SINHCAF: variants seen among roughly 807,000 people sequenced by gnomAD.
SINHCAF encodes the protein SIN3-HDAC complex associated factor, also known as SIN3-HDAC complex-associated factor.
A neutral mutation model predicts 25.8 loss-of-function variants in SINHCAF; 3 were observed. The observed-to-expected ratio is 0.12, with a 90% CI of 0.05 to 0.30. The LOEUF (loss-of-function observed/expected upper bound fraction) is 0.30. Among genes scored for constraint, SINHCAF ranks in the 10% least tolerant of loss-of-function variants. The pLI, the probability that SINHCAF is intolerant of heterozygous loss-of-function variation, is 1.00. For missense variants in SINHCAF, 121 were observed against 262.3 expected (o/e 0.46, Z 3.72); for synonymous variants, 70 against 85.5 (o/e 0.82, Z 1.00).
At chr12:31,323,798 G>A (rs1939813337) in intron 1 of SINHCAF, 1 of 382,964 alleles carries the variant, frequency 2.6e-6, no homozygotes, top group Non-Finnish European at 5.3e-6. Flanking sequence ...ACTTCCCCAC[G>A]GTGGTTTATC....
intron 1 of SINHCAF, among the ~76,000 whole-genome samples, chr12:31,319,746 T>C (rs749766879): frequency 1.6e-4 from 24 of 152,238 alleles, no homozygotes; most frequent in Non-Finnish European, 3.2e-4. Flanking sequence ...ACCAACCTTA[T>C]TGGTAATACC....
chr12:31,297,446 C>G (rs918302384), intron 2 of SINHCAF, among the ~76,000 whole-genome samples: 9 of 151,500 alleles, frequency 5.9e-5, no homozygotes, highest in South Asian at 2.1e-4. Context: ...TAGCGTGAGC[C>G]ACTGCACCCG....
At position 31,287,633 on chromosome 12, in the gene SINHCAF, C is replaced by A; in HGVS notation, c.506+1G>T. 6.3e-7 allele frequency: 1 copy of A among 1,588,308 alleles called. No homozygotes were observed. On this transcript the variant is annotated splice_donor_variant, in intron 5 of 5. Transcript: ENST00000337682. LOFTEE classifies it high-confidence loss of function. ...TTAGAGAGATACTTTGTTTCTTTTA[C>A]CTTTTCCAGTAAGTGAGATCTAAAA...
At chr12:31,297,606 G>A (rs967453507) in intron 2 of SINHCAF, among the ~76,000 whole-genome samples, 4 of 150,566 alleles carry the variant, frequency 2.7e-5, no homozygotes, top group African/African-American at 9.8e-5. Flanking sequence ...TGGAGTAACT[G>A]GGACTACAAG....
In SINHCAF at chr12:31,324,530, G is replaced by C. The variant is rs1411321461; in HGVS notation, c.-21+1494C>G. ...TAGCGCCGCCAAAGTTTCCCCACGAGGGGGCTGAGGGACAAAAGCCCCTCC... is the reference window on the plus strand; with the variant it reads ...TAGCGCCGCCAAAGTTTCCCCACGACGGGGCTGAGGGACAAAAGCCCCTCC... On this transcript the variant is annotated intron_variant, in intron 1 of 5. Transcript: ENST00000337682. This position sits in a 1 kb window ranked among gnomAD's most constrained non-coding sequence, Gnocchi z 5.5. 1.2e-5 allele frequency: 2 copies of C among 165,842 alleles called. No individual in the cohort carries two copies. Among genetic ancestry groups the C allele is most frequent in the Non-Finnish European group, 2.6e-5 (2 of 77,054 alleles). 10.3% of individuals were successfully genotyped at this position (165,842 alleles called of 1,614,324 possible).
At chr12:31,287,517 C>T in intron 5 of SINHCAF, 117 bp downstream of exon 5, 1 of 661,446 alleles carries the variant, frequency 1.5e-6, no homozygotes, top group Non-Finnish European at 2.4e-6. Flanking sequence ...GCTTAATCCA[C>T]TGCAATCGTG....
In SINHCAF at chr12:31,281,089, C is replaced by T. The variant is rs1166031452; in HGVS notation, c.*1623G>A. 2 of 152,140 alleles carry T rather than the reference C, an allele frequency of 1.3e-5. No homozygotes were observed. The highest frequency in any genetic ancestry group is 4.8e-5 in the African/African-American group (2 of 41,438). 9.4% of individuals were successfully genotyped at this position (152,140 alleles called of 1,614,324 possible). ...TACTCCTTATTGTTATTATACTATC[C>T]AATTTTTAAAATGCAGTTTAAAAAA... On this transcript the variant is annotated 3_prime_UTR_variant, in exon 6 of 6. Transcript: ENST00000337682.
intron 1 of SINHCAF, among the ~76,000 whole-genome samples, chr12:31,308,413 T>C (rs1939122674): frequency 6.6e-6 from 1 of 152,150 alleles, no homozygotes; most frequent in Non-Finnish European, 1.5e-5. Context: ...AGCTATTTTT[T>C]AGTAGGAAGC....
chr12:31,293,351 A>C (rs1012154608), intron 4 of SINHCAF, among the ~76,000 whole-genome samples: 1 of 152,134 alleles, frequency 6.6e-6, no homozygotes, highest in African/African-American at 2.4e-5. Context: ...TGCCCCTTAA[A>C]CCTGAAAGCA....
intron 1 of SINHCAF, chr12:31,311,960 CCT>C (rs2137121837): frequency 1.5e-6 from 1 of 663,878 alleles, no homozygotes; most frequent in East Asian, 4.3e-5. Flanking sequence ...CCTGGGTGCC[CCT>C]GATACTTTGT....
chr12:31,307,103 C>T (rs1939058357), intron 1 of SINHCAF, among the ~76,000 whole-genome samples: 2 of 152,174 alleles, frequency 1.3e-5, no homozygotes, highest in Non-Finnish European at 2.9e-5. Flanking sequence ...AGAAGACTGG[C>T]CAGGCCTGGT....
rs1235059027 is a variant in SINHCAF, at chr12:31,282,726, T to A, written c.652A>T (p.Thr218Ser). The A allele has an allele frequency of 6.3e-7, 1 of 1,587,444 alleles. No homozygotes were observed. Reference sequence around the variant, plus strand: ...AAAAACCTCAGTCACCACTCCTGAGTGGAGATGGGCAGAGGCTCTGGCCCC... The same window carrying A: ...AAAAACCTCAGTCACCACTCCTGAGAGGAGATGGGCAGAGGCTCTGGCCCC... ...EQGPEPLPIS[T>S]QEW Residue 218 changes from threonine to serine, a missense_variant, in exon 6 of 6, where the codon ACT becomes TCT. Coordinates refer to ENST00000337682, the MANE Select transcript of SINHCAF (RefSeq NM_001135812.2).
At chr12:31,296,860 A>C (rs1938571521) in intron 2 of SINHCAF, 3 of 296,618 alleles carry the variant, frequency 1.0e-5, no homozygotes, top group South Asian at 5.9e-5. Flanking sequence ...TGTCTCAAAC[A>C]AACCAACAAA....
intron 1 of SINHCAF, chr12:31,311,751 G>T (rs1405598349): frequency 5.9e-6 from 3 of 510,244 alleles, no homozygotes; most frequent in African/African-American, 3.9e-5. Flanking sequence ...CTCCATACTT[G>T]AACATTTCTG....
intron 1 of SINHCAF, among the ~76,000 whole-genome samples, chr12:31,318,040 G>C (rs1939557219): frequency 6.6e-6 from 1 of 152,148 alleles, no homozygotes; most frequent in Non-Finnish European, 1.5e-5. Flanking sequence ...TCCTGTAATT[G>C]GTAATGCCAC....
At chr12:31,313,886 C>A (rs1939386068) in intron 1 of SINHCAF, among the ~76,000 whole-genome samples, 1 of 151,978 alleles carries the variant, frequency 6.6e-6, no homozygotes, top group African/African-American at 2.4e-5. Context: ...AACTCCTGAC[C>A]TCAGATGATC....
At chr12:31,304,119 C>CAA (rs761861557) in intron 1 of SINHCAF, 7,453 of 125,854 alleles carry the variant, frequency 0.059, 521 homozygotes, top group African/African-American at 0.16. Context: ...GACTCTCCCT[C>CAA]AAAAAAAAAA....
At chr12:31,285,522 T>A (rs1216451755) in intron 5 of SINHCAF, among the ~76,000 whole-genome samples, 1 of 152,054 alleles carries the variant, frequency 6.6e-6, no homozygotes, top group East Asian at 1.9e-4. Context: ...TTTTGATATT[T>A]TACTACATTA....
chr12:31,305,696 A>ATTTTTTT (rs751436938), intron 1 of SINHCAF, among the ~76,000 whole-genome samples: 1 of 130,792 alleles, frequency 7.6e-6, no homozygotes, highest in Non-Finnish European at 1.6e-5. Context: ...ATATAGGCCA[A>ATTTTTTT]TTTTTTTTTT....
Sources: allele counts gnomAD v4.1 joint callset (sites outside exome capture counted in the v4.1 genomes callset), GRCh38; gene constraint gnomAD v4.1.1; non-coding constraint Gnocchi (gnomAD v3.1); transcripts MANE v1.5; gene names NCBI Gene and HGNC (gene_info 2026-07-23, HGNC 2026-07-21).